The following ALG9 variants were observed in gnomAD, a reference collection of about 807,000 sequenced individuals.
ALG9 encodes ALG9 alpha-1,2-mannosyltransferase, also known as alpha-1,2-mannosyltransferase ALG9.
Under a neutral mutation model 81.8 loss-of-function variants are expected in ALG9, and 55 were observed. The observed-to-expected ratio is 0.67, with a 90% CI of 0.54 to 0.84. The LOEUF (loss-of-function observed/expected upper bound fraction) is 0.84. ALG9 is among the 40% of genes least tolerant of loss of function. The probability of loss-of-function intolerance (pLI) is 0.00; values close to 1 mark genes in which losing one functional copy is unlikely to be tolerated. For missense variants in ALG9, 629 were observed against 745.0 expected, an observed-to-expected ratio of 0.84 and a Z score of 1.81; for synonymous variants, 278 against 274.3, an observed-to-expected ratio of 1.01 and a Z score of -0.13.
intron 14 of ALG9, among the ~76,000 whole-genome samples, chr11:111,799,079 C>T (rs781982012): frequency 2.0e-5 from 3 of 152,186 alleles, no homozygotes; most frequent in Non-Finnish European, 2.9e-5. Flanking sequence ...GCCCCAATCA[C>T]AAAATTGTCC....
rs889762441 is a variant in ALG9, at chr11:111,817,819, C to T, written c.1603-8046G>A. On this transcript the variant is annotated intron_variant, in intron 13 of 14. Transcript: ENST00000616540. ...TTGAGACAGATTTTGCTCTGTCGCC[C>T]AGGCTGGAGTGCAGTGGTGCGGTCT... Among the ~76,000 whole-genome samples the T allele has an allele frequency of 4.0e-5, 6 of 151,324 alleles. No individual in the cohort carries two copies. In the South Asian group the frequency reaches 1.1e-3, roughly 26 times the overall value.
At chr11:111,820,914 A>ATG (rs1952227300) in intron 13 of ALG9, among the ~76,000 whole-genome samples, 1 of 103,212 alleles carries the variant, frequency 9.7e-6, no homozygotes. Flanking sequence ...GTCTCCAAAC[A>ATG]CGCGCGCACA....
At chr11:111,811,135 T>C (rs919137021) in intron 13 of ALG9, among the ~76,000 whole-genome samples, 5 of 152,246 alleles carry the variant, frequency 3.3e-5, no homozygotes, top group Non-Finnish European at 7.3e-5. Flanking sequence ...CAATGTCATA[T>C]GTTCCATAGC....
intron 4 of ALG9, among the ~76,000 whole-genome samples, chr11:111,861,730 T>C (rs1335345066): frequency 2.6e-5 from 4 of 152,180 alleles, no homozygotes; most frequent in Admixed American, 2.0e-4. Context: ...ATGATCCTCC[T>C]GCCTAAGTCT....
chr11:111,794,330 C>A (rs1555073313), intron 14 of ALG9, among the ~76,000 whole-genome samples: 1 of 152,176 alleles, frequency 6.6e-6, no homozygotes, highest in African/African-American at 2.4e-5. Flanking sequence ...GTTGCCCAGG[C>A]TGGAGTGCAG....
intron 8 of ALG9, among the ~76,000 whole-genome samples, chr11:111,847,041 T>A (rs1957045588): frequency 6.6e-6 from 1 of 152,198 alleles, no homozygotes; most frequent in Non-Finnish European, 1.5e-5. Context: ...AAAGAAGGGA[T>A]AATGTTTACT....
intron 5 of ALG9, among the ~76,000 whole-genome samples, chr11:111,858,147 G>A (rs1030288244): frequency 6.6e-6 from 1 of 152,078 alleles, no homozygotes; most frequent in Admixed American, 6.5e-5. Context: ...ATGTTGGCCA[G>A]GCTGGTCTCG....
intron 12 of ALG9, chr11:111,836,764 A>G: frequency 5.5e-6 from 1 of 180,604 alleles, no homozygotes; most frequent in Non-Finnish European, 1.2e-5. Context: ...GCAAAGGCTA[A>G]AGTCAACACT....
In ALG9 at chr11:111,785,005, T is replaced by C. The variant is rs1946321757; in HGVS notation, c.*1392A>G. 6.6e-6 allele frequency: 1 copy of C among 152,668 alleles called. No homozygotes were observed. The highest frequency in any genetic ancestry group is 1.5e-5 in the Non-Finnish European group (1 of 68,040). 9.5% of individuals were successfully genotyped at this position (152,668 alleles called of 1,614,324 possible). ...CCAAAGAACTCAAATACAGACACAA[T>C]TCTTCCTTAAAATAGAAAGTTACAA... On this transcript the variant is annotated 3_prime_UTR_variant, in exon 15 of 15. Coordinates refer to ENST00000616540, the MANE Select transcript of ALG9 (RefSeq NM_024740.2).
chr11:111,808,662 C>G (rs189498910), intron 14 of ALG9, among the ~76,000 whole-genome samples: 1 of 152,208 alleles, frequency 6.6e-6, no homozygotes, highest in African/African-American at 2.4e-5. Flanking sequence ...GGGCCCAGTC[C>G]GTTTCTGAGC....
In ALG9 at chr11:111,868,738, TA is replaced by T. The variant is rs1555155750; in HGVS notation, c.271-3del. On this transcript the variant is annotated splice_region_variant and splice_polypyrimidine_tract_variant and intron_variant, in intron 2 of 14. Coordinates refer to ENST00000616540, the MANE Select transcript of ALG9 (RefSeq NM_024740.2). ...TTCCCCATAGATGAGGTAGTGTGTC[TA>T]AAAATACAAAACAGATAGATTCAGG... The T allele has an allele frequency of 6.2e-7, 1 of 1,605,262 alleles. No homozygotes were observed. The highest frequency in any genetic ancestry group is 1.7e-5 in the Admixed American group (1 of 58,856).
At chr11:111,791,175 G>A (rs1213883557) in intron 14 of ALG9, among the ~76,000 whole-genome samples, 1 of 152,196 alleles carries the variant, frequency 6.6e-6, no homozygotes, top group African/African-American at 2.4e-5. Flanking sequence ...CCTACTATAT[G>A]TAAGCATTTG....
intron 13 of ALG9, among the ~76,000 whole-genome samples, chr11:111,832,446 A>AT (rs201161293): frequency 0.016 from 2,384 of 147,894 alleles, 82 homozygotes; most frequent in African/African-American, 0.055. Flanking sequence ...TGGCTAATTT[A>AT]TTTTTTTTTT....
chr11:111,848,168 T>G (rs1957197731), intron 8 of ALG9, among the ~76,000 whole-genome samples: 1 of 152,202 alleles, frequency 6.6e-6, no homozygotes, highest in African/African-American at 2.4e-5. Context: ...AAATAAGGCC[T>G]GTCTCAGAGT....
chr11:111,864,033 T>C (rs1555150331), intron 4 of ALG9, among the ~76,000 whole-genome samples: 3 of 152,180 alleles, frequency 2.0e-5, no homozygotes, highest in Admixed American at 6.5e-5. Flanking sequence ...TCAGATTTAA[T>C]ATCAGGAGCT....
intron 3 of ALG9, among the ~76,000 whole-genome samples, chr11:111,866,063 G>A (rs1296823955): frequency 1.3e-5 from 2 of 152,180 alleles, no homozygotes; most frequent in African/African-American, 4.8e-5. Context: ...GGGAGGCCGA[G>A]GCAGGCGGAT....
At chr11:111,853,517 G>C (rs1958160001) in intron 7 of ALG9, 32 bp from the exon 8 acceptor site, 3 of 1,591,324 alleles carry the variant, frequency 1.9e-6, no homozygotes, top group South Asian at 2.2e-5. Flanking sequence ...TTTTGATCTA[G>C]AAACATTCTC....
chr11:111,817,137 T>TGATAATGGAG (rs1398252494), intron 13 of ALG9: 4 of 152,288 alleles, frequency 2.6e-5, no homozygotes, highest in African/African-American at 9.6e-5. Context: ...GTCTGAGGAC[T>TGATAATGGAG]GATAATGGAG....
At chr11:111,841,222 T>C (rs1043953789) in intron 9 of ALG9, among the ~76,000 whole-genome samples, 6 of 152,238 alleles carry the variant, frequency 3.9e-5, no homozygotes, top group Non-Finnish European at 8.8e-5. Flanking sequence ...TCCAATGTTC[T>C]GTTTAATTGG....
Sources: gnomAD v4.1 joint callset for allele counts (sites outside exome capture counted in the v4.1 genomes callset) on GRCh38, gnomAD v4.1.1 for gene constraint, MANE v1.5 for transcripts, NCBI Gene and HGNC (gene_info 2026-07-23, HGNC 2026-07-21) for gene names.